The following L3MBTL2 variants were observed in gnomAD, a reference collection of about 807,000 sequenced individuals.
L3MBTL2 encodes L3MBTL histone methyl-lysine binding protein 2.
Under a neutral mutation model 86.4 loss-of-function variants are expected in L3MBTL2, and 49 were observed. The observed-to-expected ratio is 0.57, with a 90% CI of 0.45 to 0.72. L3MBTL2 has a LOEUF of 0.72. Among genes scored for constraint, L3MBTL2 ranks in the 30% least tolerant of loss-of-function variants. The pLI, the probability that L3MBTL2 is intolerant of heterozygous loss-of-function variation, is 0.00. For synonymous variants in L3MBTL2, 336 were observed against 350.6 expected, an observed-to-expected ratio of 0.96 and a Z score of 0.47; for missense variants, 755 against 923.7, an observed-to-expected ratio of 0.82 and a Z score of 2.37.
intron 15 of L3MBTL2, among the ~76,000 whole-genome samples, chr22:41,228,804 C>A (rs997461663): frequency 6.6e-6 from 1 of 151,190 alleles, no homozygotes; most frequent in Non-Finnish European, 1.5e-5. Context: ...GAGCCCAGAT[C>A]GCTCCACTTC....
chr22:41,214,549 G>A (rs2031177408), intron 3 of L3MBTL2: 1 of 152,478 alleles, frequency 6.6e-6, no homozygotes, highest in Non-Finnish European at 1.5e-5. Context: ...GGTCCAAGGA[G>A]GTAGAATGAC....
chr22:41,228,030 C>T, intron 15 of L3MBTL2, 161 bp downstream of exon 15: 1 of 985,418 alleles, frequency 1.0e-6, no homozygotes, highest in South Asian at 4.7e-5. Context: ...TCCCCTTGCC[C>T]TTTGGCCTAC....
At chr22:41,215,059 T>C (rs139460) in intron 3 of L3MBTL2, among the ~76,000 whole-genome samples, 63,510 of 151,882 alleles carry the variant, frequency 0.42, 14,030 homozygotes, top group African/African-American at 0.56. Context: ...ACTGGGATGG[T>C]GTGTAGCCTG....
intron 1 of L3MBTL2, 124 bp downstream of exon 1, chr22:41,205,510 G>A: frequency 8.5e-7 from 1 of 1,171,038 alleles, no homozygotes; most frequent in South Asian, 1.2e-5. Flanking sequence ...ATAAACTGAG[G>A]TAGTTAAACT....
At chr22:41,214,136 C>A in intron 3 of L3MBTL2, 110 bp downstream of exon 3, 1 of 1,081,296 alleles carries the variant, frequency 9.2e-7, no homozygotes, top group Non-Finnish European at 1.4e-6. Context: ...TTGCTTGTGG[C>A]CAGCTGGTAT....
intron 5 of L3MBTL2, 148 bp from the exon 6 acceptor site, chr22:41,219,271 T>A (rs1315594113): frequency 1.6e-6 from 1 of 635,286 alleles, no homozygotes; most frequent in African/African-American, 1.8e-5. Flanking sequence ...AGACCTCATC[T>A]CTTTATCTCT....
At chr22:41,228,277 G>A (rs1346267364) in intron 15 of L3MBTL2, 3 of 985,470 alleles carry the variant, frequency 3.0e-6, no homozygotes, top group Non-Finnish European at 3.6e-6. Flanking sequence ...TTCTTACCTC[G>A]AGACCTCTTT....
In L3MBTL2 at chr22:41,209,674, G is replaced by A. The variant is rs2030553855; in HGVS notation, c.25-22G>A. Reference sequence around the variant, plus strand: ...AAGCCAATCATAATTCTTTCTACCTGGTTTGTGTCATCCTCCATTAGGAGA... The same window carrying A: ...AAGCCAATCATAATTCTTTCTACCTAGTTTGTGTCATCCTCCATTAGGAGA... On this transcript the variant is annotated intron_variant, in intron 1 of 16. Transcript: ENST00000216237. 1 of 1,604,468 alleles carries A rather than the reference G, an allele frequency of 6.2e-7. No individual in the cohort carries two copies. The highest frequency in any genetic ancestry group is 2.2e-5 in the East Asian group (1 of 44,806).
rs756985889 is a variant in L3MBTL2, at chr22:41,227,512, C to G, written c.1822+189C>G. The G allele has an allele frequency of 5.1e-6, 7 of 1,380,474 alleles. No individual in the cohort carries two copies. The highest frequency in any genetic ancestry group is 6.0e-6 in the Non-Finnish European group (6 of 992,720). 85.5% of individuals were successfully genotyped at this position (1,380,474 alleles called of 1,614,324 possible). A position where few individuals can be genotyped will look rare whatever the true frequency, so the allele number is the denominator to read the frequency against. On this transcript the variant is annotated intron_variant, in intron 14 of 16. Coordinates refer to ENST00000216237, the MANE Select transcript of L3MBTL2 (RefSeq NM_031488.5). This position sits in a 1 kb window ranked among gnomAD's most constrained non-coding sequence, Gnocchi z 6.0. ...CTTCTCTGTCTCCCTTTCCCTCTGG[C>G]CTGCAGAGCTCCTTCCTTCATCTTG...
In L3MBTL2 at chr22:41,227,301, G is replaced by A. The variant is rs201543616; in HGVS notation, c.1800G>A (p.Gln600=). 1.2e-6 allele frequency: 2 copies of A among 1,605,558 alleles called. No individual in the cohort carries two copies. Among genetic ancestry groups the A allele is most frequent in the East Asian group, 4.5e-5 (2 of 44,464 alleles). Residue 600 remains glutamine, a synonymous_variant, in exon 14 of 17, where the codon CAG becomes CAA. Coordinates refer to ENST00000216237, the MANE Select transcript of L3MBTL2 (RefSeq NM_031488.5). This position sits in a 1 kb window ranked among gnomAD's most constrained non-coding sequence, Gnocchi z 6.0. Reference sequence around the variant, plus strand: ...GCTGGTGTGAGCTCACCGGCTACCAGCTCCAGCCTCCTGTGGCCGCAGGTG... The same window carrying A: ...GCTGGTGTGAGCTCACCGGCTACCAACTCCAGCCTCCTGTGGCCGCAGGTG... ...PVGWCELTGY[Q]LQPPVAAEPA...
Position 41,224,334 on chromosome 22 carries a change from A to G in L3MBTL2, c.1174+83A>G. On this transcript the variant is annotated intron_variant, in intron 9 of 16. Transcript: ENST00000216237. This position sits in a 1 kb window ranked among gnomAD's most constrained non-coding sequence, Gnocchi z 4.9. ...GGAGCACCTTCCTACTCGTCACAGC[A>G]GGTCAGCAGGTGGAGGTTGGCATGG... The G allele has an allele frequency of 9.1e-7, 1 of 1,093,556 alleles. No individual in the cohort carries two copies. The highest frequency in any genetic ancestry group is 1.3e-6 in the Non-Finnish European group (1 of 749,812). 67.7% of individuals were successfully genotyped at this position (1,093,556 alleles called of 1,614,324 possible).
chr22:41,222,935 C>A (rs888550849), intron 8 of L3MBTL2, among the ~76,000 whole-genome samples: 2 of 150,620 alleles, frequency 1.3e-5, no homozygotes, highest in Non-Finnish European at 3.0e-5. Context: ...AAAAAAAAAA[C>A]AAAAACTAAC....
At chr22:41,211,405 C>T (rs2030777750) in intron 2 of L3MBTL2, among the ~76,000 whole-genome samples, 1 of 151,550 alleles carries the variant, frequency 6.6e-6, no homozygotes, top group Non-Finnish European at 1.5e-5. Context: ...GGGGTTTTGC[C>T]CTGTTACCCA....
chr22:41,212,992 C>T (rs116264625), intron 2 of L3MBTL2, among the ~76,000 whole-genome samples: 4,144 of 150,040 alleles, frequency 0.028, 192 homozygotes, highest in African/African-American at 0.097. Flanking sequence ...GCCGACACGG[C>T]GGATCACAAG....
Position 41,224,193 on chromosome 22 carries a change from C to G in L3MBTL2, c.1116C>G (p.Ser372Arg). The change falls in exon 9 of 17, where the codon AGC becomes AGG. Residue 372 changes from serine to arginine, a missense_variant. Ser to Arg is a moderately radical substitution (Grantham distance 110, BLOSUM62 -1). Transcript: ENST00000216237. The surrounding 1 kb of genome is among the most constrained non-coding windows in gnomAD (Gnocchi z 4.9). Reference sequence around the variant, plus strand: ...ACGACTTCTGGTGCCACATGTGGAGCCCCCTGATCCACCCAGTGGGTTGGT... The same window carrying G: ...ACGACTTCTGGTGCCACATGTGGAGGCCCCTGATCCACCCAGTGGGTTGGT... ...SDDDFWCHMW[S>R]PLIHPVGWSR... 1 of 1,614,008 alleles carries G rather than the reference C, an allele frequency of 6.2e-7. No homozygotes were observed. The highest frequency in any genetic ancestry group is 8.5e-7 in the Non-Finnish European group (1 of 1,179,982).
Position 41,225,976 on chromosome 22 carries a change from C to G in L3MBTL2, c.1504+35C>G. The G allele has an allele frequency of 1.9e-6, 3 of 1,608,210 alleles. No individual in the cohort carries two copies. Among genetic ancestry groups the G allele is most frequent in the Non-Finnish European group, 2.5e-6 (3 of 1,177,670 alleles). ...GAGAGGCCACCACCTGCTGTCCTTG[C>G]CATCAGAAGGGGCAGGGTGTCCAGG... On this transcript the variant is annotated intron_variant, in intron 12 of 16. Transcript: ENST00000216237. This position sits in a 1 kb window ranked among gnomAD's most constrained non-coding sequence, Gnocchi z 4.1.
In L3MBTL2 at chr22:41,228,276, C is replaced by G. The variant is rs539325687; in HGVS notation, c.1888+407C>G. The stretch of plus-strand genomic sequence containing the variant: ...CTCTCCAAGGCTGTCATTCTTACCT[C>G]GAGACCTCTTTGAGGGTGGGAGAGG... On this transcript the variant is annotated intron_variant, in intron 15 of 16. Transcript: ENST00000216237. 1,121 of 985,450 alleles carry G rather than the reference C, an allele frequency of 1.1e-3. 2 individuals are homozygous for G. The highest frequency in any genetic ancestry group is 1.3e-3 in the Non-Finnish European group (1,074 of 829,928). The allele number at this position is 985,450 out of a possible 1,614,324, so 61.0% of individuals were successfully genotyped here. A position where few individuals can be genotyped will look rare whatever the true frequency, so the allele number is the denominator to read the frequency against.
Position 41,213,891 on chromosome 22 carries a change from A to T in L3MBTL2, c.263-2A>T. On this transcript the variant is annotated splice_acceptor_variant, in intron 2 of 16. Coordinates refer to ENST00000216237, the MANE Select transcript of L3MBTL2 (RefSeq NM_031488.5). LOFTEE classifies it high-confidence loss of function. ...GAGTCATGTGCTAAGTTCTCTTCCC[A>T]GCTGTCTGTGAGATGTGTGGTATCG... is the stretch of plus-strand genomic sequence containing the variant. The T allele has an allele frequency of 1.2e-6, 2 of 1,614,116 alleles. No individual in the cohort carries two copies.
In L3MBTL2 at chr22:41,226,750, G is replaced by C; in HGVS notation, c.1587+6G>C. On this transcript the variant is annotated splice_donor_region_variant and intron_variant, in intron 13 of 16. Transcript: ENST00000216237. The stretch of plus-strand genomic sequence containing the variant: ...CATCGAGACTCTTTAACATGGTGAG[G>C]AGACTGAAGTGGAGCAAGGGGCCTG... 2 of 1,609,900 alleles carry C rather than the reference G, an allele frequency of 1.2e-6. No individual in the cohort carries two copies.
Sources: gnomAD v4.1 joint callset for allele counts (sites outside exome capture counted in the v4.1 genomes callset) on GRCh38, gnomAD v4.1.1 for gene constraint, Gnocchi (gnomAD v3.1) non-coding constraint, MANE v1.5 for transcripts, NCBI Gene and HGNC (gene_info 2026-07-23, HGNC 2026-07-21) for gene names.